The following METTL24 variants were observed in gnomAD, a reference collection of about 807,000 sequenced individuals.
METTL24 encodes the protein probable methyltransferase-like protein 24.
Under a neutral mutation model 32.7 loss-of-function variants are expected in METTL24, and 29 were observed. The observed-to-expected ratio is 0.89, with a 90% CI of 0.66 to 1.21. The LOEUF is 1.21. Among genes scored for constraint, METTL24 ranks in the 50% most tolerant of loss-of-function variants. The pLI, the probability that METTL24 is intolerant of heterozygous loss-of-function variation, is 0.00. For synonymous variants in METTL24, 163 were observed against 179.5 expected (o/e 0.91, Z 0.73); for missense variants, 439 against 468.1 (o/e 0.94, Z 0.57).
chr6:110,285,410 G>A (rs1562225601), intron 4 of METTL24, among the ~76,000 whole-genome samples: 1 of 152,048 alleles, frequency 6.6e-6, no homozygotes, highest in Non-Finnish European at 1.5e-5. Context: ...TTTTACCTCC[G>A]AATGAAACTA....
rs545409130 is a variant in METTL24, at chr6:110,264,811, T to C, written c.787-18551A>G. ...GCAGCCATAAAAAATGATGAGTTCATGTCCTTTGTAGGGACATGGATGAAG... is the reference window on the plus strand; with the variant it reads ...GCAGCCATAAAAAATGATGAGTTCACGTCCTTTGTAGGGACATGGATGAAG... On this transcript the variant is annotated intron_variant, in intron 4 of 4. Coordinates refer to ENST00000338882, the MANE Select transcript of METTL24 (RefSeq NM_001123364.3). 5.0e-3 allele frequency among the ~76,000 whole-genome samples: 758 copies of C among 152,280 alleles called. 7 individuals are homozygous for C. Among genetic ancestry groups the C allele is most frequent in the Non-Finnish European group, 3.8e-3 (261 of 68,030 alleles).
At chr6:110,269,105 G>C (rs1406834457) in intron 4 of METTL24, among the ~76,000 whole-genome samples, 2 of 152,132 alleles carry the variant, frequency 1.3e-5, no homozygotes, top group Non-Finnish European at 2.9e-5. Context: ...GGAAGGGACA[G>C]TAATTTGGGA....
At chr6:110,269,584 C>T (rs1770917397) in intron 4 of METTL24, among the ~76,000 whole-genome samples, 1 of 152,038 alleles carries the variant, frequency 6.6e-6, no homozygotes, top group Non-Finnish European at 1.5e-5. Flanking sequence ...ATCTTTCTTC[C>T]TGAAAAAATA....
intron 4 of METTL24, among the ~76,000 whole-genome samples, chr6:110,284,455 A>G (rs1197402224): frequency 1.3e-5 from 2 of 152,176 alleles, no homozygotes; most frequent in African/African-American, 2.4e-5. Context: ...TGCACATAGA[A>G]GATGCTTAAT....
At chr6:110,306,528 A>C (rs1771630982) in intron 3 of METTL24, among the ~76,000 whole-genome samples, 1 of 151,982 alleles carries the variant, frequency 6.6e-6, no homozygotes, top group South Asian at 2.1e-4. Flanking sequence ...AAATAGTGGG[A>C]AACTTTTATA....
intron 4 of METTL24, among the ~76,000 whole-genome samples, chr6:110,265,148 A>T (rs1045685772): frequency 1.0e-5 from 1 of 100,218 alleles, no homozygotes; most frequent in Admixed American, 9.2e-5. Context: ...AAAGAAAGAA[A>T]GAAAGAAAGA....
chr6:110,280,034 G>GT (rs1309225357), intron 4 of METTL24, among the ~76,000 whole-genome samples: 1 of 152,116 alleles, frequency 6.6e-6, no homozygotes, highest in Non-Finnish European at 1.5e-5. Flanking sequence ...GTGCTGCACA[G>GT]TTTTAAGTGA....
chr6:110,248,930 T>A lies in METTL24; in HGVS notation c.787-2670A>T, dbSNP rs549964393. On this transcript the variant is annotated intron_variant, in intron 4 of 4. Coordinates refer to ENST00000338882, the MANE Select transcript of METTL24 (RefSeq NM_001123364.3). ...GCCAAAGGAAATATTTAATCAAAAC[T>A]TTGTAAAATTTTCTAATTGGTACAG... Among the ~76,000 whole-genome samples, 29 of 152,132 alleles carry A rather than the reference T, an allele frequency of 1.9e-4. 1 individual carries two copies. The highest frequency in any genetic ancestry group is 4.2e-4 in the South Asian group (2 of 4,818).
At chr6:110,256,054 A>G (rs2334323) in intron 4 of METTL24, among the ~76,000 whole-genome samples, 67,893 of 152,044 alleles carry the variant, frequency 0.45, 19,026 homozygotes, top group African/African-American at 0.81. Flanking sequence ...AGAAACTAGG[A>G]ATAAAAATAA....
chr6:110,278,314 G>A (rs1582397273), intron 4 of METTL24, among the ~76,000 whole-genome samples: 1 of 152,114 alleles, frequency 6.6e-6, no homozygotes, highest in Non-Finnish European at 1.5e-5. Context: ...CTTTTTACAC[G>A]AAAGCTAGAA....
chr6:110,246,401 A>G (rs1026915997), intron 4 of METTL24, 141 bp from the exon 5 acceptor site: 34 of 687,222 alleles, frequency 4.9e-5, no homozygotes, highest in Non-Finnish European at 7.9e-5. Flanking sequence ...GGCCATTTGC[A>G]TTTATGACAT....
intron 4 of METTL24, among the ~76,000 whole-genome samples, chr6:110,276,431 A>G (rs1212380191): frequency 6.6e-6 from 1 of 152,212 alleles, no homozygotes; most frequent in Non-Finnish European, 1.5e-5. Context: ...AGCCTAAGTG[A>G]AAGAGTGAGG....
chr6:110,270,068 C>T (rs1251321507), intron 4 of METTL24, among the ~76,000 whole-genome samples: 1 of 152,114 alleles, frequency 6.6e-6, no homozygotes, highest in East Asian at 1.9e-4. Flanking sequence ...TGAAAATCAT[C>T]CAAAAATATA....
chr6:110,347,114 T>C (rs1391677741), intron 1 of METTL24, among the ~76,000 whole-genome samples: 1 of 152,256 alleles, frequency 6.6e-6, no homozygotes, highest in Non-Finnish European at 1.5e-5. Context: ...TAGTGCCTCT[T>C]GTTTACAAGA....
rs1772741017 is a variant in METTL24 at position 110,358,208 on chromosome 6, AC to A, written c.64del (p.Val22CysfsTer52). The A allele has an allele frequency of 2.7e-6, 4 of 1,472,872 alleles. No individual in the cohort carries two copies. Among genetic ancestry groups the A allele is most frequent in the Non-Finnish European group, 3.6e-6 (4 of 1,118,710 alleles). The allele number at this position is 1,472,872 out of a possible 1,614,324, so 91.2% of individuals were successfully genotyped here. A position where few individuals can be genotyped will look rare whatever the true frequency, so the allele number is the denominator to read the frequency against. ...GVLRRCLLGA[V>X]LLFGLRLCAE... ...GCAGAGCCGCAGGCCGAACAACAGCACAGCCCCGAGTAGACACCGGCGCAGG... is the reference window on the plus strand; with the variant it reads ...GCAGAGCCGCAGGCCGAACAACAGCAAGCCCCGAGTAGACACCGGCGCAGG... On this transcript the variant is annotated frameshift_variant, in exon 1 of 5. Coordinates refer to ENST00000338882, the MANE Select transcript of METTL24 (RefSeq NM_001123364.3). LOFTEE classifies it high-confidence loss of function.
At chr6:110,271,905 TTTTG>T (rs1391639758) in intron 4 of METTL24, among the ~76,000 whole-genome samples, 1 of 152,206 alleles carries the variant, frequency 6.6e-6, no homozygotes, top group Non-Finnish European at 1.5e-5. Flanking sequence ...CCAGTTCAAA[TTTTG>T]TTTATACCAA....
At chr6:110,336,441 C>T (rs1285157548) in intron 1 of METTL24, among the ~76,000 whole-genome samples, 4 of 152,196 alleles carry the variant, frequency 2.6e-5, no homozygotes, top group Non-Finnish European at 4.4e-5. Context: ...AAAAGGCACT[C>T]GATAAAAGAT....
chr6:110,259,405 G>A (rs952053712), intron 4 of METTL24, among the ~76,000 whole-genome samples: 4 of 152,176 alleles, frequency 2.6e-5, no homozygotes, highest in Non-Finnish European at 4.4e-5. Flanking sequence ...GCAAGGCAGC[G>A]GTGAGGCTGG....
chr6:110,311,478 T>TG (rs1359590650), intron 3 of METTL24, among the ~76,000 whole-genome samples: 1 of 138,186 alleles, frequency 7.2e-6, no homozygotes, highest in African/African-American at 2.7e-5. Context: ...GTTTTTTTTT[T>TG]TTTTTTTTTT....
Sources: gnomAD v4.1 joint callset for allele counts (sites outside exome capture counted in the v4.1 genomes callset) on GRCh38, gnomAD v4.1.1 for gene constraint, MANE v1.5 for transcripts, NCBI Gene and HGNC (gene_info 2026-07-23, HGNC 2026-07-21) for gene names.